SLC25A14: variants seen among roughly 807,000 people sequenced by gnomAD.
SLC25A14 encodes the protein brain mitochondrial carrier protein 1.
Under a neutral mutation model 28.1 loss-of-function variants are expected in SLC25A14, and 8 were observed. The ratio of observed to expected loss-of-function variants is 0.28; its 90% CI spans 0.17 to 0.51. The LOEUF is 0.51. SLC25A14 is among the 20% of genes least tolerant of loss of function. The probability of loss-of-function intolerance (pLI) is 0.97; values close to 1 mark genes in which losing one functional copy is unlikely to be tolerated. For synonymous variants in SLC25A14, 74 were observed against 90.6 expected (o/e 0.82, Z 1.04); for missense variants, 135 against 263.8 (o/e 0.51, Z 3.38).
chrX:130,373,253 A>G lies in SLC25A14; in HGVS notation c.*303A>G. The G allele has an allele frequency of 3.8e-6, 1 of 264,076 alleles. No individual in the cohort carries two copies. The highest frequency in any genetic ancestry group is 7.0e-5 in the Admixed American group (1 of 14,245). 21.8% of individuals were successfully genotyped at this position (264,076 alleles called of 1,213,427 possible). A position where few individuals can be genotyped will look rare whatever the true frequency, so the allele number is the denominator to read the frequency against. Reference sequence around the variant, plus strand: ...TGCTTTCCAAATGTGGTTAAATGTAATTGGTTAGCCCCAGACTTGGGCTAG... The same window carrying G: ...TGCTTTCCAAATGTGGTTAAATGTAGTTGGTTAGCCCCAGACTTGGGCTAG... On this transcript the variant is annotated 3_prime_UTR_variant, in exon 11 of 11. Coordinates refer to ENST00000545805, the MANE Select transcript of SLC25A14 (RefSeq NM_001282195.2).
intron 3 of SLC25A14, among the ~76,000 whole-genome samples, chrX:130,345,543 G>C (rs773580194): frequency 1.8e-5 from 2 of 110,607 alleles, no homozygotes; most frequent in African/African-American, 6.6e-5. Flanking sequence ...TATATAGAGG[G>C]AGTTGATATG....
rs1252743069 is a variant in SLC25A14 at position 130,365,457 on chromosome X, T to C, written c.720-84T>C. Reference sequence around the variant, plus strand: ...TTTATCTGATGGGTCTGAGTTATATTGTACAGTTTACGTTTGGCCTAATTT... The same window carrying C: ...TTTATCTGATGGGTCTGAGTTATATCGTACAGTTTACGTTTGGCCTAATTT... On this transcript the variant is annotated intron_variant, in intron 8 of 10. Transcript: ENST00000545805. 7.7e-6 allele frequency: 9 copies of C among 1,174,246 alleles called. No homozygotes were observed. The African/African-American group carries it at 1.4e-4, about 18-fold the overall frequency.
chrX:130,372,124 T>C (rs1261965767), intron 10 of SLC25A14, among the ~76,000 whole-genome samples: 1 of 112,435 alleles, frequency 8.9e-6, no homozygotes, highest in African/African-American at 3.2e-5. Context: ...TGCAGAGCCA[T>C]GTATTGGATA....
At chrX:130,352,001 A>T (rs1298747303) in intron 6 of SLC25A14, among the ~76,000 whole-genome samples, 1 of 111,301 alleles carries the variant, frequency 9.0e-6, no homozygotes. Context: ...CAGGTTTGGG[A>T]TATGAATGAT....
Position 130,346,573 on chromosome X carries a change from C to T in SLC25A14, c.199C>T (p.Arg67Ter), listed in dbSNP as rs2033447213. 2 of 1,205,657 alleles carry T rather than the reference C, an allele frequency of 1.7e-6. No homozygotes were observed. Among genetic ancestry groups the T allele is most frequent in the Non-Finnish European group, 2.2e-6 (2 of 891,373 alleles). Residue 67 changes from arginine to a stop codon, truncating the protein, a stop_gained, in exon 4 of 11, where the codon CGA becomes TGA. Transcript: ENST00000545805. LOFTEE classifies it high-confidence loss of function. ...TTTCCCTGTGGACCTTACCAAAACA[C>T]GACTTCAGGTTCAAGGCCAAAGCAT... ...GTFPVDLTKT[R>*]LQVQGQSIDA...
At chrX:130,359,038 T>A (rs2033881706) in intron 7 of SLC25A14, 1 of 1,007,156 alleles carries the variant, frequency 9.9e-7, no homozygotes, top group Non-Finnish European at 1.3e-6. Context: ...ATGATGTATG[T>A]CTTTGTAGTG....
intron 2 of SLC25A14, among the ~76,000 whole-genome samples, chrX:130,343,726 G>A (rs1276827808): frequency 1.8e-5 from 2 of 112,172 alleles, no homozygotes; most frequent in South Asian, 3.7e-4. Flanking sequence ...CTGTTAAGAT[G>A]TAAATTTGGG....
chrX:130,372,973 A>G lies in SLC25A14; in HGVS notation c.*23A>G. 9.1e-7 allele frequency: 1 copy of G among 1,097,936 alleles called. No individual in the cohort carries two copies. The highest frequency in any genetic ancestry group is 1.8e-5 in the African/African-American group (1 of 55,289). The allele number at this position is 1,097,936 out of a possible 1,213,427, so 90.5% of individuals were successfully genotyped here. On this transcript the variant is annotated 3_prime_UTR_variant, in exon 11 of 11. Coordinates refer to ENST00000545805, the MANE Select transcript of SLC25A14 (RefSeq NM_001282195.2). Reference sequence around the variant, plus strand: ...TAAGAACTGAATTATATGTGAGCCCAGCCCTGCCAGCCTTTCTACTCCTTT... The same window carrying G: ...TAAGAACTGAATTATATGTGAGCCCGGCCCTGCCAGCCTTTCTACTCCTTT...
At chrX:130,363,684 T>G (rs1229896337) in intron 7 of SLC25A14, among the ~76,000 whole-genome samples, 2 of 112,187 alleles carry the variant, frequency 1.8e-5, no homozygotes, top group Admixed American at 1.9e-4. Context: ...AGGGTTCCTA[T>G]TTCTTCACAT....
At chrX:130,358,215 A>G (rs1372077019) in intron 6 of SLC25A14, among the ~76,000 whole-genome samples, 1 of 112,301 alleles carries the variant, frequency 8.9e-6, no homozygotes, top group African/African-American at 3.2e-5. Context: ...ACCATTGTAC[A>G]ACAAAATTTT....
chrX:130,355,908 T>C (rs1017101627), intron 6 of SLC25A14, among the ~76,000 whole-genome samples: 2 of 111,981 alleles, frequency 1.8e-5, no homozygotes, highest in African/African-American at 3.2e-5. Context: ...TGTGATATCA[T>C]TTAACTTATT....
In SLC25A14 at chrX:130,365,469, G is replaced by A. The variant is rs894766347; in HGVS notation, c.720-72G>A. ...GTCTGAGTTATATTGTACAGTTTAC[G>A]TTTGGCCTAATTTCTGTTTAAGTGG... On this transcript the variant is annotated intron_variant, in intron 8 of 10. Transcript: ENST00000545805. 18 of 1,189,917 alleles carry A rather than the reference G, an allele frequency of 1.5e-5. No homozygotes were observed. In the East Asian group the frequency reaches 2.7e-4, roughly 18 times the overall value.
chrX:130,354,524 T>G (rs2033730994), intron 6 of SLC25A14, among the ~76,000 whole-genome samples: 1 of 112,251 alleles, frequency 8.9e-6, no homozygotes, highest in African/African-American at 3.2e-5. Context: ...AGTATTTATC[T>G]CTCTCATGTA....
chrX:130,340,214 C>T lies in SLC25A14; in HGVS notation c.-65C>T. The T allele has an allele frequency of 8.3e-7, 1 of 1,203,872 alleles. No individual in the cohort carries two copies. The highest frequency in any genetic ancestry group is 1.7e-5 in the African/African-American group (1 of 57,684). ...GGAGGCCGCCTTCTTCAGGCGCCTC[C>T]CTTCTCTCCACGAGCTCGCTCTGAC... On this transcript the variant is annotated 5_prime_UTR_variant, in exon 2 of 11. Coordinates refer to ENST00000545805, the MANE Select transcript of SLC25A14 (RefSeq NM_001282195.2).
rs1278578355 is a variant in SLC25A14 at position 130,371,658 on chromosome X, G to T, written c.936+14G>T. 8.8e-7 allele frequency: 1 copy of T among 1,141,230 alleles called. No homozygotes were observed. The highest frequency in any genetic ancestry group is 1.2e-6 in the Non-Finnish European group (1 of 832,754). The allele number at this position is 1,141,230 out of a possible 1,213,427, so 94.1% of individuals were successfully genotyped here. A position where few individuals can be genotyped will look rare whatever the true frequency, so the allele number is the denominator to read the frequency against. ...TGGAACATCATTGTATCCTTTGAGA[G>T]AATGAAAGCAAGTGCTTCAAGCTCC... On this transcript the variant is annotated intron_variant, in intron 10 of 10. Coordinates refer to ENST00000545805, the MANE Select transcript of SLC25A14 (RefSeq NM_001282195.2).
At position 130,346,784 on chromosome X, in the gene SLC25A14, T is replaced by C. The variant is rs980065917; in HGVS notation, c.317+93T>C. 7 of 738,215 alleles carry C rather than the reference T, an allele frequency of 9.5e-6. No individual in the cohort carries two copies. The South Asian group carries it at 1.2e-4, about 12-fold the overall frequency. 60.8% of individuals were successfully genotyped at this position (738,215 alleles called of 1,213,427 possible). ...TCTGATAGTTTGTGTCCGTTTCATA[T>C]TCACCATTTCAACTTGTAATTCAGT... On this transcript the variant is annotated intron_variant, in intron 4 of 10. Transcript: ENST00000545805.
chrX:130,346,641 T>C lies in SLC25A14; in HGVS notation c.267T>C (p.His89=). The C allele has an allele frequency of 4.1e-6, 5 of 1,209,182 alleles. No individual in the cohort carries two copies. The highest frequency in any genetic ancestry group is 3.5e-5 in the African/African-American group (2 of 57,833). ...FKEIKYRGMF[H]ALFRICKEEG... Reference sequence around the variant, plus strand: ...AGATAAAATATAGAGGGATGTTCCATGCGCTGTTTCGCATCTGTAAAGAGG... The same window carrying C: ...AGATAAAATATAGAGGGATGTTCCACGCGCTGTTTCGCATCTGTAAAGAGG... The change falls in exon 4 of 11, where the codon CAT becomes CAC. Residue 89 remains histidine, a synonymous_variant. Transcript: ENST00000545805.
chrX:130,368,496 A>G (rs2034179205), intron 9 of SLC25A14, among the ~76,000 whole-genome samples: 1 of 112,400 alleles, frequency 8.9e-6, no homozygotes, highest in Non-Finnish European at 1.9e-5. Context: ...TGTGTTTATG[A>G]CACTTAGATT....
chrX:130,365,096 GA>G, intron 8 of SLC25A14: 5 of 802,652 alleles, frequency 6.2e-6, no homozygotes, highest in Non-Finnish European at 6.0e-6. Flanking sequence ...GTGGGAATCA[GA>G]AAAAAAGGGG....
Sources: gnomAD v4.1 joint callset for allele counts (sites outside exome capture counted in the v4.1 genomes callset) on GRCh38, gnomAD v4.1.1 for gene constraint, MANE v1.5 for transcripts, NCBI Gene and HGNC (gene_info 2026-07-23, HGNC 2026-07-21) for gene names.